The following ARMC6 variants were observed in gnomAD, a reference collection of about 807,000 sequenced individuals.
ARMC6 encodes the protein armadillo repeat-containing protein 6.
Under a neutral mutation model 49.2 loss-of-function variants are expected in ARMC6, and 43 were observed. That is an observed-to-expected ratio of 0.87 (90% CI 0.69 to 1.13). The LOEUF is 1.13. Ranked by LOEUF, ARMC6 falls within the 50% of genes most tolerant of loss-of-function variation. The pLI is 0.00. For missense variants in ARMC6, 627 were observed against 682.0 expected, an observed-to-expected ratio of 0.92 and a Z score of 0.90; for synonymous variants, 262 against 289.6, an observed-to-expected ratio of 0.90 and a Z score of 0.97.
chr19:19,049,887 G>A (rs1345870750), intron 4 of ARMC6, among the ~76,000 whole-genome samples: 1 of 152,172 alleles, frequency 6.6e-6, no homozygotes, highest in Non-Finnish European at 1.5e-5. Context: ...ATCCGGGCGT[G>A]GTGGCACATG....
chr19:19,034,067 G>A, intron 1 of ARMC6, 64 bp from the exon 2 acceptor site: 2 of 642,578 alleles, frequency 3.1e-6, no homozygotes, highest in Non-Finnish European at 5.4e-6. Context: ...AAGCCGCCTG[G>A]GGACAAAATC....
intron 2 of ARMC6, among the ~76,000 whole-genome samples, chr19:19,036,767 A>G (rs1228618289): frequency 1.3e-5 from 2 of 152,258 alleles, no homozygotes; most frequent in East Asian, 1.9e-4. Context: ...AGGAACAAAT[A>G]GCTAATTTAT....
At position 19,055,216 on chromosome 19, in the gene ARMC6, C is replaced by T; in HGVS notation, c.1024-49C>T. On this transcript the variant is annotated intron_variant, in intron 6 of 8. Coordinates refer to ENST00000535612, the MANE Select transcript of ARMC6 (RefSeq NM_001199196.2). The surrounding 1 kb of genome is among the most constrained non-coding windows in gnomAD (Gnocchi z 5.7). The stretch of plus-strand genomic sequence containing the variant: ...CCACATTCTCCCTCAGAGCCCTCTC[C>T]CACAACCAGCGGCCTGGCTGGAGGT... 1 of 1,535,674 alleles carries T rather than the reference C, an allele frequency of 6.5e-7. No homozygotes were observed. The highest frequency in any genetic ancestry group is 1.3e-5 in the South Asian group (1 of 79,034).
chr19:19,045,074 G>C (rs2059438325), intron 4 of ARMC6, among the ~76,000 whole-genome samples: 1 of 150,092 alleles, frequency 6.7e-6, no homozygotes, highest in Non-Finnish European at 1.5e-5. Flanking sequence ...GCACTGGCGT[G>C]ATCTCAGCTC....
At chr19:19,046,922 C>T (rs945369933) in intron 4 of ARMC6, among the ~76,000 whole-genome samples, 1 of 68,422 alleles carries the variant, frequency 1.5e-5, no homozygotes, top group African/African-American at 6.3e-5. Context: ...CCAACATGCT[C>T]ACCTGTTTTT....
At chr19:19,056,263 G>GTTTT (rs533708367) in intron 8 of ARMC6, among the ~76,000 whole-genome samples, 3 of 134,572 alleles carry the variant, frequency 2.2e-5, no homozygotes, top group Non-Finnish European at 3.2e-5. Flanking sequence ...CCTTCTGTGG[G>GTTTT]TTTTTTTTTT....
In ARMC6 at chr19:19,055,904, A is replaced by AC; in HGVS notation, c.1270dup (p.His424ProfsTer35). On this transcript the variant is annotated frameshift_variant, in exon 8 of 9. Coordinates refer to ENST00000535612, the MANE Select transcript of ARMC6 (RefSeq NM_001199196.2). LOFTEE classifies it high-confidence loss of function. This position sits in a 1 kb window ranked among gnomAD's most constrained non-coding sequence, Gnocchi z 5.7. ...TGGCAGCACTGCAGGCCATGAAGGC[A>AC]CACCCGCAGAAGGCCGGCGTGCAGG... 1 of 1,611,806 alleles carries AC rather than the reference A, an allele frequency of 6.2e-7. No individual in the cohort carries two copies. The highest frequency in any genetic ancestry group is 8.5e-7 in the Non-Finnish European group (1 of 1,179,374).
At chr19:19,053,935 G>C (rs529788877) in intron 5 of ARMC6, among the ~76,000 whole-genome samples, 1 of 151,860 alleles carries the variant, frequency 6.6e-6, no homozygotes, top group Admixed American at 6.6e-5. Context: ...GGAAGGAAGC[G>C]GGTTGGGGGG....
chr19:19,044,267 C>G (rs1342201707), intron 4 of ARMC6, among the ~76,000 whole-genome samples, 193 bp downstream of exon 4: 1 of 152,236 alleles, frequency 6.6e-6, no homozygotes, highest in African/African-American at 2.4e-5. Context: ...TGCAGGGGAT[C>G]CCAGGCTCCT....
chr19:19,051,856 C>G lies in ARMC6; in HGVS notation c.514C>G (p.Leu172Val). 4 of 1,614,158 alleles carry G rather than the reference C, an allele frequency of 2.5e-6. No homozygotes were observed. Among genetic ancestry groups the G allele is most frequent in the Non-Finnish European group, 3.4e-6 (4 of 1,180,034 alleles). Residue 172 changes from leucine (L) to valine (V), a missense_variant, in exon 5 of 9, where the codon CTC becomes GTC. Physicochemically the swap from Leu to Val is conservative, Grantham distance 32 (BLOSUM62 1). Coordinates refer to ENST00000535612, the MANE Select transcript of ARMC6 (RefSeq NM_001199196.2). ...LSVLTDGQPD[L>V]LDAQGLQLLV... ...GGTGCTGACTGATGGACAGCCAGAC[C>G]TCCTGGATGCCCAGGGCCTGCAGCT...
intron 2 of ARMC6, among the ~76,000 whole-genome samples, chr19:19,036,821 C>A (rs1171830990): frequency 6.6e-6 from 1 of 152,172 alleles, no homozygotes; most frequent in Non-Finnish European, 1.5e-5. Flanking sequence ...TAGGAGTTGG[C>A]TGAATTTTTC....
chr19:19,046,925 C>CTGTT (rs2059454969), intron 4 of ARMC6, among the ~76,000 whole-genome samples: 2 of 17,218 alleles, frequency 1.2e-4, no homozygotes, highest in Admixed American at 5.4e-4. Context: ...ACATGCTCAC[C>CTGTT]TGTTTTTTTT....
chr19:19,047,891 G>A (rs1027585335), intron 4 of ARMC6, among the ~76,000 whole-genome samples: 40 of 152,206 alleles, frequency 2.6e-4, no homozygotes, highest in African/African-American at 8.9e-4. Context: ...GCTGAAAGCC[G>A]GGGCTTCCAG....
In ARMC6 at chr19:19,043,990, A is replaced by G. The variant is rs965978450; in HGVS notation, c.197-2A>G. On this transcript the variant is annotated splice_acceptor_variant, in intron 3 of 8. Transcript: ENST00000535612. LOFTEE classifies it high-confidence loss of function. ...TGTGCTTGCTTCCCCCACCCCCAAC[A>G]GGGGTTGATCTGAGCAACATTGTAA... 3 of 1,613,632 alleles carry G rather than the reference A, an allele frequency of 1.9e-6. No individual in the cohort carries two copies. In the African/African-American group the frequency reaches 4.0e-5, roughly 22 times the overall value.
chr19:19,055,237 G>C lies in ARMC6; in HGVS notation c.1024-28G>C, dbSNP rs766041005. The stretch of plus-strand genomic sequence containing the variant: ...TCTCCCACAACCAGCGGCCTGGCTG[G>C]AGGTGAGCGGGCCTTTCCCTTGTGC... On this transcript the variant is annotated intron_variant, in intron 6 of 8. Transcript: ENST00000535612. This position sits in a 1 kb window ranked among gnomAD's most constrained non-coding sequence, Gnocchi z 5.7. The C allele has an allele frequency of 1.3e-6, 2 of 1,558,780 alleles. No homozygotes were observed. The highest frequency in any genetic ancestry group is 1.7e-6 in the Non-Finnish European group (2 of 1,152,960).
chr19:19,045,506 A>T (rs866141450), intron 4 of ARMC6, among the ~76,000 whole-genome samples: 2 of 6,162 alleles, frequency 3.2e-4, no homozygotes, highest in Non-Finnish European at 7.8e-4. Flanking sequence ...TTTTTTTTTG[A>T]GACAAGAGTC....
At chr19:19,056,982 C>T (rs756265103) in intron 8 of ARMC6, among the ~76,000 whole-genome samples, 20 of 152,348 alleles carry the variant, frequency 1.3e-4, no homozygotes, top group Admixed American at 3.9e-4. Flanking sequence ...GGCAGTGCCC[C>T]GCGCCCACCC....
At chr19:19,044,188 T>C (rs949831585) in intron 4 of ARMC6, 114 bp downstream of exon 4, 2 of 1,090,100 alleles carry the variant, frequency 1.8e-6, no homozygotes, top group Non-Finnish European at 2.7e-6. Flanking sequence ...CTCCCCAGCA[T>C]GCATGGGCAA....
chr19:19,037,539 G>C, intron 2 of ARMC6: 1 of 706,750 alleles, frequency 1.4e-6, no homozygotes, highest in Admixed American at 2.4e-5. Context: ...GCTAATTTTG[G>C]TATTTTTTAT....
Sources: allele counts gnomAD v4.1 joint callset (sites outside exome capture counted in the v4.1 genomes callset), GRCh38; gene constraint gnomAD v4.1.1; non-coding constraint Gnocchi (gnomAD v3.1); transcripts MANE v1.5; gene names NCBI Gene and HGNC (gene_info 2026-07-23, HGNC 2026-07-21).